PHACTR4: variants seen among roughly 807,000 people sequenced by gnomAD.
The protein encoded by PHACTR4 is phosphatase and actin regulator 4, also known as protein phosphatase 1, regulatory subunit 124.
Under a neutral mutation model 72.7 loss-of-function variants are expected in PHACTR4, and 51 were observed. That is an observed-to-expected ratio of 0.70 (90% CI 0.56 to 0.89). The LOEUF (loss-of-function observed/expected upper bound fraction) is 0.89. Ranked by LOEUF, PHACTR4 falls within the 40% of genes least tolerant of loss-of-function variation. The pLI is 0.00. For missense variants in PHACTR4, 731 were observed against 861.8 expected (o/e 0.85, Z 1.90); for synonymous variants, 255 against 302.5 (o/e 0.84, Z 1.63).
chr1:28,496,884 T>C lies in PHACTR4; in HGVS notation c.*335T>C. ...ACCCCTTCCCCTAGATGACTGCCTG[T>C]GCAGAGACACAGTTTGCACCATTAG... On this transcript the variant is annotated 3_prime_UTR_variant, in exon 14 of 14. Transcript: ENST00000373839. 2.4e-6 allele frequency: 1 copy of C among 414,806 alleles called. No individual in the cohort carries two copies. The highest frequency in any genetic ancestry group is 4.5e-6 in the Non-Finnish European group (1 of 224,490). The allele number at this position is 414,806 out of a possible 1,614,324, so 25.7% of individuals were successfully genotyped here.
rs76719786 is a variant in PHACTR4 at position 28,448,000 on chromosome 1, C to A, written c.17-11085C>A. On this transcript the variant is annotated intron_variant, in intron 2 of 13. Transcript: ENST00000373839. ...ACAGTTGTTTAAAGCCAATAATAAT[C>A]CTCTTTTAGAAGGCAAAAATGAATA... Among the ~76,000 whole-genome samples, 1,226 of 152,216 alleles carry A rather than the reference C, an allele frequency of 8.1e-3. 17 individuals carry two copies. Among genetic ancestry groups the A allele is most frequent in the African/African-American group, 0.028 (1,165 of 41,536 alleles).
intron 1 of PHACTR4, among the ~76,000 whole-genome samples, chr1:28,389,477 CTTTTT>C (rs557958697): frequency 1.5e-5 from 2 of 129,824 alleles, no homozygotes; most frequent in Admixed American, 7.8e-5. Context: ...TTGTATACTA[CTTTTT>C]TTTTTTTTTT....
intron 1 of PHACTR4, among the ~76,000 whole-genome samples, chr1:28,393,117 C>A (rs907071895): frequency 1.3e-5 from 2 of 151,842 alleles, no homozygotes; most frequent in Non-Finnish European, 2.9e-5. Context: ...TTCTGAATGT[C>A]ATTTTACACA....
chr1:28,496,442 TA>T, intron 13 of PHACTR4, 91 bp from the exon 14 acceptor site: 2 of 1,390,754 alleles, frequency 1.4e-6, no homozygotes, highest in Non-Finnish European at 2.0e-6. Flanking sequence ...AAGGCAGTGT[TA>T]ATTAGGTATA....
At chr1:28,396,656 G>A (rs988773109) in intron 1 of PHACTR4, among the ~76,000 whole-genome samples, 2 of 151,024 alleles carry the variant, frequency 1.3e-5, no homozygotes, top group Non-Finnish European at 2.9e-5. Context: ...TTTCTCTAGT[G>A]ATGTGCTTTT....
At chr1:28,489,145 T>G (rs368158831) in intron 9 of PHACTR4, 25 bp from the exon 10 acceptor site, 1 of 1,601,334 alleles carries the variant, frequency 6.2e-7, no homozygotes, top group Non-Finnish European at 8.5e-7. Flanking sequence ...AACATAAACA[T>G]TACCTTTATT....
chr1:28,483,798 CAAAAAAAAAA>C (rs991081654), intron 9 of PHACTR4, among the ~76,000 whole-genome samples: 11 of 71,010 alleles, frequency 1.5e-4, no homozygotes, highest in African/African-American at 5.1e-4. Flanking sequence ...GACTCCGTCT[CAAAAAAAAAA>C]AAAAAAAAAA....
At chr1:28,370,710 G>C (rs114146982) in intron 1 of PHACTR4, among the ~76,000 whole-genome samples, 2,373 of 151,994 alleles carry the variant, frequency 0.016, 64 homozygotes, top group African/African-American at 0.054. Context: ...ACAGTGGAAG[G>C]AAAAAGTCCT....
chr1:28,489,255 T>C (rs1426232247), intron 10 of PHACTR4, 30 bp downstream of exon 10: 4 of 1,574,176 alleles, frequency 2.5e-6, no homozygotes, highest in Admixed American at 3.4e-5. Flanking sequence ...TAAAGTTGTA[T>C]AGATTTTCTT....
intron 2 of PHACTR4, among the ~76,000 whole-genome samples, chr1:28,415,129 C>T (rs750617018): frequency 1.3e-5 from 2 of 151,818 alleles, no homozygotes; most frequent in East Asian, 1.9e-4. Context: ...GGCATGATGG[C>T]GTGCTACTGT....
At chr1:28,370,072 CG>C (rs1484860260) in intron 1 of PHACTR4, among the ~76,000 whole-genome samples, 3 of 152,250 alleles carry the variant, frequency 2.0e-5, no homozygotes, top group African/African-American at 7.2e-5. Context: ...TCGCCCTCTC[CG>C]CCCCCCGAGA....
Position 28,498,820 on chromosome 1 carries a change from C to T in PHACTR4, c.*2271C>T, listed in dbSNP as rs1317472799. The T allele has an allele frequency of 1.3e-5, 2 of 151,976 alleles. No homozygotes were observed. The highest frequency in any genetic ancestry group is 2.9e-5 in the Non-Finnish European group (2 of 68,018). The allele number at this position is 151,976 out of a possible 1,614,324, so 9.4% of individuals were successfully genotyped here. ...AACCTAGGCCAGGCATGGTGGTTCA[C>T]GCCTATAATCTCAGCACTTTGGGAA... On this transcript the variant is annotated 3_prime_UTR_variant, in exon 14 of 14. Coordinates refer to ENST00000373839, the MANE Select transcript of PHACTR4 (RefSeq NM_001048183.3).
At chr1:28,404,752 T>C (rs1654202776) in intron 1 of PHACTR4, among the ~76,000 whole-genome samples, 1 of 152,210 alleles carries the variant, frequency 6.6e-6, no homozygotes, top group African/African-American at 2.4e-5. Flanking sequence ...TCCTAATACT[T>C]GTTATGTATT....
chr1:28,453,613 T>A, intron 2 of PHACTR4: 1 of 1,186,702 alleles, frequency 8.4e-7, no homozygotes, highest in Non-Finnish European at 1.2e-6. Context: ...CCTTCTACAG[T>A]GAGGTGAAAC....
At chr1:28,370,364 AGGGCAC>A (rs369075257) in intron 1 of PHACTR4, among the ~76,000 whole-genome samples, 2 of 151,928 alleles carry the variant, frequency 1.3e-5, no homozygotes, top group African/African-American at 4.8e-5. Flanking sequence ...GGGCGGCTTC[AGGGCAC>A]GAAACTCCCG....
At chr1:28,455,639 C>T (rs1004812786) in intron 2 of PHACTR4, among the ~76,000 whole-genome samples, 7 of 152,106 alleles carry the variant, frequency 4.6e-5, no homozygotes, top group Admixed American at 3.9e-4. Flanking sequence ...CCTAGGCTGA[C>T]CTGGAGAGAT....
At chr1:28,389,924 T>C (rs1443995218) in intron 1 of PHACTR4, among the ~76,000 whole-genome samples, 1 of 152,190 alleles carries the variant, frequency 6.6e-6, no homozygotes, top group Non-Finnish European at 1.5e-5. Flanking sequence ...CTCATGTTCA[T>C]TGCAGCATTA....
At chr1:28,390,799 T>C (rs1051672642) in intron 1 of PHACTR4, among the ~76,000 whole-genome samples, 9 of 150,664 alleles carry the variant, frequency 6.0e-5, no homozygotes, top group East Asian at 3.9e-4. Flanking sequence ...TCTCAAAAAA[T>C]AGAAAAAATT....
At position 28,380,278 on chromosome 1, in the gene PHACTR4, G is replaced by A. The variant is rs181587800; in HGVS notation, c.-39+10453G>A. 9.0e-3 allele frequency among the ~76,000 whole-genome samples: 1,367 copies of A among 151,064 alleles called. 8 individuals carry two copies. The highest frequency in any genetic ancestry group is 0.017 in the Middle Eastern group (5 of 294). On this transcript the variant is annotated intron_variant, in intron 1 of 13. Transcript: ENST00000373839. ...TCACTGTGTTAGCCAGGATGGTCTC[G>A]ATCTCCTGACCTCGTGATCCGCCCG...
Sources: gnomAD v4.1 joint callset for allele counts (sites outside exome capture counted in the v4.1 genomes callset) on GRCh38, gnomAD v4.1.1 for gene constraint, MANE v1.5 for transcripts, NCBI Gene and HGNC (gene_info 2026-07-23, HGNC 2026-07-21) for gene names.